AFF2: variants seen among roughly 807,000 people sequenced by gnomAD.
AFF2 encodes the protein ALF transcription elongation factor 2.
A neutral mutation model predicts 76.9 loss-of-function variants in AFF2; 14 were observed. That is an observed-to-expected ratio of 0.18 (90% CI 0.12 to 0.28). AFF2 has a LOEUF of 0.28. AFF2 is among the 10% of genes least tolerant of loss of function. The pLI, the probability that AFF2 is intolerant of heterozygous loss-of-function variation, is 1.00. For synonymous variants in AFF2, 398 were observed against 366.7 expected (o/e 1.09, Z -0.98); for missense variants, 868 against 1,001.1 (o/e 0.87, Z 1.79).
At chrX:148,549,419 C>T (rs1387400204) in intron 1 of AFF2, among the ~76,000 whole-genome samples, 6 of 111,905 alleles carry the variant, frequency 5.4e-5, no homozygotes, top group Admixed American at 1.9e-4. Context: ...AGTGAGTTTC[C>T]TCAACTAGTC....
At chrX:148,889,434 T>C (rs1159541622) in intron 8 of AFF2, among the ~76,000 whole-genome samples, 3 of 111,869 alleles carry the variant, frequency 2.7e-5, no homozygotes, top group Non-Finnish European at 5.6e-5. Flanking sequence ...TTATAATATA[T>C]AAATTAAAGA....
Position 148,956,013 on chromosome X carries a change from A to C in AFF2, c.1968A>C (p.Lys656Asn), listed in dbSNP as rs890386563. 5.8e-6 allele frequency: 7 copies of C among 1,209,277 alleles called. No individual in the cohort carries two copies. In the Admixed American group the frequency reaches 1.5e-4, roughly 26 times the overall value. Residue 656 changes from lysine to asparagine, a missense_variant, in exon 11 of 21, where the codon AAA (lysine) becomes AAC (asparagine). Transcript: ENST00000370460. The stretch of plus-strand genomic sequence containing the variant: ...CAAATATTACCAGCAGCACTCCCAA[A>C]GAAAAAGAAAGTGTGGAGCTTCATG... ...PKPNITSSTP[K>N]EKESVELHDP...
intron 8 of AFF2, among the ~76,000 whole-genome samples, chrX:148,894,844 A>C (rs1297166952): frequency 1.8e-5 from 2 of 111,150 alleles, no homozygotes; most frequent in Non-Finnish European, 3.8e-5. Flanking sequence ...TAAGATATGG[A>C]ATCAATCTAA....
chrX:148,709,011 C>A (rs1227462202), intron 3 of AFF2, among the ~76,000 whole-genome samples: 1 of 111,260 alleles, frequency 9.0e-6, no homozygotes, highest in Non-Finnish European at 1.9e-5. Flanking sequence ...TGACTGATCT[C>A]TTTGTATTAG....
intron 3 of AFF2, among the ~76,000 whole-genome samples, chrX:148,735,095 A>G (rs1313291486): frequency 1.8e-5 from 2 of 112,224 alleles, no homozygotes; most frequent in African/African-American, 3.2e-5. Context: ...GATATGCACA[A>G]GTGGCTTGCT....
intron 11 of AFF2, among the ~76,000 whole-genome samples, chrX:148,957,865 G>T (rs2072060136): frequency 8.9e-6 from 1 of 112,209 alleles, no homozygotes; most frequent in Non-Finnish European, 1.9e-5. Context: ...AAGTCCAAAG[G>T]TGTGCTTTGA....
rs567386950 is a variant in AFF2 at position 148,963,054 on chromosome X, A to G, written c.2913+117A>G. The stretch of plus-strand genomic sequence containing the variant: ...AGGGAGGAAGATGCAGAGAAGAAAT[A>G]TGAGAGGCCTGTGTATACAAATACA... On this transcript the variant is annotated intron_variant, in intron 13 of 20. Coordinates refer to ENST00000370460, the MANE Select transcript of AFF2 (RefSeq NM_002025.4). 4.8e-5 allele frequency: 24 copies of G among 503,854 alleles called. No individual in the cohort carries two copies. The Middle Eastern group carries it at 1.4e-3, about 30-fold the overall frequency. 41.5% of individuals were successfully genotyped at this position (503,854 alleles called of 1,213,427 possible).
intron 3 of AFF2, among the ~76,000 whole-genome samples, chrX:148,769,279 A>G (rs1164591775): frequency 8.9e-6 from 1 of 111,892 alleles, no homozygotes; most frequent in Non-Finnish European, 1.9e-5. Context: ...CCTTCTGAAG[A>G]GGTTCCATTG....
chrX:148,701,843 T>G (rs1557261910), intron 3 of AFF2, among the ~76,000 whole-genome samples: 1 of 111,951 alleles, frequency 8.9e-6, no homozygotes, highest in Non-Finnish European at 1.9e-5. Flanking sequence ...CCCATGAAAT[T>G]TATCATCTGT....
chrX:148,540,126 G>T (rs1404076810), intron 1 of AFF2, among the ~76,000 whole-genome samples: 7 of 111,729 alleles, frequency 6.3e-5, no homozygotes, highest in Non-Finnish European at 1.1e-4. Flanking sequence ...TTACTCAAGA[G>T]AATGGCAAAG....
chrX:148,776,787 TTCTC>T (rs1557268610), intron 3 of AFF2, among the ~76,000 whole-genome samples: 2 of 111,941 alleles, frequency 1.8e-5, no homozygotes, highest in Non-Finnish European at 3.8e-5. Flanking sequence ...TGCAAAATAT[TTCTC>T]TCATTCTGTA....
chrX:148,528,033 G>A (rs902639257), intron 1 of AFF2, among the ~76,000 whole-genome samples: 12 of 112,124 alleles, frequency 1.1e-4, no homozygotes, highest in African/African-American at 3.6e-4. Flanking sequence ...AAAGTGATGC[G>A]CTGCTAACCA....
rs184958559 is a variant in AFF2, at chrX:148,876,167, A to G, written c.1263-9722A>G. Among the ~76,000 whole-genome samples the G allele has an allele frequency of 2.7e-5, 3 of 112,223 alleles. No homozygotes were observed. The East Asian group carries it at 8.5e-4, about 32-fold the overall frequency. ...GCTCAACTATCTTGAGCCAATAATC[A>G]CAGATGATAAAGATTGGGTGATTCC... On this transcript the variant is annotated intron_variant, in intron 7 of 20. Coordinates refer to ENST00000370460, the MANE Select transcript of AFF2 (RefSeq NM_002025.4).
chrX:148,775,417 A>T (rs2069655026), intron 3 of AFF2, among the ~76,000 whole-genome samples: 1 of 112,084 alleles, frequency 8.9e-6, no homozygotes, highest in African/African-American at 3.2e-5. Flanking sequence ...TTTCACATTA[A>T]ATCTGTGAGG....
chrX:148,732,639 G>T (rs1172199849), intron 3 of AFF2, among the ~76,000 whole-genome samples: 1 of 104,748 alleles, frequency 9.5e-6, no homozygotes, highest in Non-Finnish European at 1.9e-5. Flanking sequence ...CTGTGATTTT[G>T]GGGTAAGTCA....
At chrX:148,809,752 T>G in intron 3 of AFF2, 124 bp from the exon 4 acceptor site, 1 of 665,974 alleles carries the variant, frequency 1.5e-6, no homozygotes, top group Non-Finnish European at 2.3e-6. Flanking sequence ...GATATTCTTT[T>G]GTATTTAATA....
chrX:148,710,081 C>T lies in AFF2; in HGVS notation c.1041+47313C>T, dbSNP rs150280905. ...GGAAAAATCCCTTACTCAACAGATT[C>T]GGAAATGGAGACCCTGTTAAATAAA... On this transcript the variant is annotated intron_variant, in intron 3 of 20. Coordinates refer to ENST00000370460, the MANE Select transcript of AFF2 (RefSeq NM_002025.4). Among the ~76,000 whole-genome samples, 9 of 111,720 alleles carry T rather than the reference C, an allele frequency of 8.1e-5. No homozygotes were observed. The South Asian group carries it at 1.1e-3, about 14-fold the overall frequency.
chrX:148,806,161 G>A (rs1021602743), intron 3 of AFF2, among the ~76,000 whole-genome samples: 4 of 112,590 alleles, frequency 3.6e-5, no homozygotes, highest in Admixed American at 2.8e-4. Context: ...ACACCTGTCC[G>A]AGTAACTCCT....
At chrX:148,615,646 T>A (rs2053790448) in intron 1 of AFF2, among the ~76,000 whole-genome samples, 1 of 111,984 alleles carries the variant, frequency 8.9e-6, no homozygotes, top group Non-Finnish European at 1.9e-5. Flanking sequence ...CTTTCCTCCC[T>A]TGAAGGATAA....
Sources: gnomAD v4.1 joint callset for allele counts (sites outside exome capture counted in the v4.1 genomes callset) on GRCh38, gnomAD v4.1.1 for gene constraint, MANE v1.5 for transcripts, NCBI Gene and HGNC (gene_info 2026-07-23, HGNC 2026-07-21) for gene names.